The following EEA1 variants were observed in gnomAD, a reference collection of about 807,000 sequenced individuals.
The protein encoded by EEA1 is early endosome antigen 1, 162kD.
A neutral mutation model predicts 209.2 loss-of-function variants in EEA1; 111 were observed. The observed-to-expected ratio is 0.53, with a 90% CI of 0.45 to 0.62. The LOEUF (loss-of-function observed/expected upper bound fraction) is 0.62. EEA1 is among the 20% of genes least tolerant of loss of function. The probability of loss-of-function intolerance (pLI) is 0.00; values close to 1 mark genes in which losing one functional copy is unlikely to be tolerated. For synonymous variants in EEA1, 536 were observed against 540.6 expected (o/e 0.99, Z 0.12); for missense variants, 1,343 against 1,530.8 (o/e 0.88, Z 2.05).
intron 25 of EEA1, among the ~76,000 whole-genome samples, chr12:92,778,709 A>G (rs1306796287): frequency 1.3e-5 from 2 of 152,060 alleles, no homozygotes; most frequent in East Asian, 3.8e-4. Flanking sequence ...GCAACTTAGG[A>G]AAGGAAAAGC....
At chr12:92,896,099 G>A (rs2264292) in intron 1 of EEA1, among the ~76,000 whole-genome samples, 92,708 of 151,016 alleles carry the variant, frequency 0.61, 29,164 homozygotes, top group East Asian at 0.94. Context: ...TCAGCCTCCC[G>A]AGTAGCTGGG....
At chr12:92,903,966 A>ATT (rs1287652690) in intron 1 of EEA1, among the ~76,000 whole-genome samples, 1 of 144,164 alleles carries the variant, frequency 6.9e-6, no homozygotes, top group Non-Finnish European at 1.5e-5. Flanking sequence ...AAGTTTTCTG[A>ATT]TTTTTTTTTT....
At chr12:92,829,809 C>G (rs1175447519) in intron 11 of EEA1, among the ~76,000 whole-genome samples, 1 of 137,482 alleles carries the variant, frequency 7.3e-6, no homozygotes, top group Non-Finnish European at 1.6e-5. Context: ...AAAAACAAGC[C>G]AAATGCCAGG....
At chr12:92,801,762 G>T in intron 19 of EEA1, 61 bp from the exon 20 acceptor site, 1 of 1,176,390 alleles carries the variant, frequency 8.5e-7, no homozygotes, top group Non-Finnish European at 1.2e-6. Flanking sequence ...AAGAAGTTTA[G>T]TTTATAACCT....
chr12:92,787,791 T>G (rs963834712), intron 22 of EEA1, 76 bp downstream of exon 22: 2 of 1,177,160 alleles, frequency 1.7e-6, no homozygotes, highest in African/African-American at 1.6e-5. Flanking sequence ...CCTTGCCCAT[T>G]TGGATTCAAA....
At chr12:92,845,646 T>G (rs1022220886) in intron 9 of EEA1, among the ~76,000 whole-genome samples, 15 of 152,284 alleles carry the variant, frequency 9.9e-5, no homozygotes, top group Admixed American at 2.6e-4. Context: ...TCTAAAGTAT[T>G]CCCACTTCCA....
chr12:92,876,150 G>A (rs533892612), intron 2 of EEA1, among the ~76,000 whole-genome samples: 1 of 152,138 alleles, frequency 6.6e-6, no homozygotes, highest in South Asian at 2.1e-4. Flanking sequence ...TGATTAACTT[G>A]CGGCCTCGAA....
intron 1 of EEA1, among the ~76,000 whole-genome samples, chr12:92,924,651 T>C (rs1881138675): frequency 6.6e-6 from 1 of 152,050 alleles, no homozygotes. Context: ...ACCCAGGTAG[T>C]CTGGCATCAG....
At position 92,827,666 on chromosome 12, in the gene EEA1, C is replaced by T. The variant is rs185016791; in HGVS notation, c.1404+246G>A. Among the ~76,000 whole-genome samples, 5 of 152,208 alleles carry T rather than the reference C, an allele frequency of 3.3e-5. No homozygotes were observed. In the East Asian group the frequency reaches 7.7e-4, roughly 24 times the overall value. ...GACTCTAGCAGCCTGATGGGTTCACCCCCAGAATTTTTCCTGCCTAAACCT... is the reference window on the plus strand; with the variant it reads ...GACTCTAGCAGCCTGATGGGTTCACTCCCAGAATTTTTCCTGCCTAAACCT... On this transcript the variant is annotated intron_variant, in intron 12 of 28. Coordinates refer to ENST00000322349, the MANE Select transcript of EEA1 (RefSeq NM_003566.4).
At chr12:92,902,653 A>G (rs892667747) in intron 1 of EEA1, among the ~76,000 whole-genome samples, 1 of 151,354 alleles carries the variant, frequency 6.6e-6, no homozygotes, top group Non-Finnish European at 1.5e-5. Flanking sequence ...AGGCAGTAGA[A>G]TCATTTGAAC....
chr12:92,917,204 G>A (rs1480400637), intron 1 of EEA1, among the ~76,000 whole-genome samples: 3 of 134,924 alleles, frequency 2.2e-5, no homozygotes, highest in African/African-American at 8.9e-5. Flanking sequence ...CCCCAATCTA[G>A]CAAGGCAGGC....
chr12:92,837,373 T>C (rs1876978166), intron 10 of EEA1, among the ~76,000 whole-genome samples: 1 of 152,122 alleles, frequency 6.6e-6, no homozygotes, highest in Admixed American at 6.6e-5. Flanking sequence ...CTTATCAATA[T>C]ACCACTTTGC....
rs115944136 is a variant in EEA1, at chr12:92,885,545, G to A, written c.117+6084C>T. 3.7e-3 allele frequency among the ~76,000 whole-genome samples: 568 copies of A among 152,262 alleles called. 5 individuals carry two copies. The highest frequency in any genetic ancestry group is 0.017 in the Middle Eastern group (5 of 294). On this transcript the variant is annotated intron_variant, in intron 2 of 28. Coordinates refer to ENST00000322349, the MANE Select transcript of EEA1 (RefSeq NM_003566.4). ...CCACTAATAGCCCTCAATTAGATTA[G>A]CAGTCAGAATGTATGCTATTGTATA...
At chr12:92,798,348 A>AT (rs566780091) in intron 21 of EEA1, among the ~76,000 whole-genome samples, 143 of 149,908 alleles carry the variant, frequency 9.5e-4, no homozygotes, top group African/African-American at 1.6e-3. Flanking sequence ...TATTATTATT[A>AT]TTATTTTTTT....
intron 1 of EEA1, among the ~76,000 whole-genome samples, chr12:92,894,035 T>A (rs1565853863): frequency 2.0e-5 from 3 of 152,238 alleles, no homozygotes; most frequent in African/African-American, 7.2e-5. Context: ...TCACTTTGTA[T>A]CTCTGTGTCA....
At chr12:92,792,718 ACCATTC>A (rs890702937) in intron 21 of EEA1, among the ~76,000 whole-genome samples, 26 of 152,346 alleles carry the variant, frequency 1.7e-4, no homozygotes, top group South Asian at 1.2e-3. Flanking sequence ...AGGAGCTGGT[ACCATTC>A]CTTTTGAAAC....
rs1373684794 is a variant in EEA1, at chr12:92,853,040, C to T, written c.407-15G>A. 3.3e-6 allele frequency: 5 copies of T among 1,507,624 alleles called. No homozygotes were observed. Among genetic ancestry groups the T allele is most frequent in the Admixed American group, 1.8e-5 (1 of 55,776 alleles). The allele number at this position is 1,507,624 out of a possible 1,614,324, so 93.4% of individuals were successfully genotyped here. On this transcript the variant is annotated splice_polypyrimidine_tract_variant and intron_variant, in intron 6 of 28. Transcript: ENST00000322349. ...AGACTGTAGTTCTACAAAAAAGTGT[C>T]GCAGTTATTCAAATACCATGTTAAT...
At chr12:92,864,564 G>A (rs936390593) in intron 3 of EEA1, among the ~76,000 whole-genome samples, 11 of 151,878 alleles carry the variant, frequency 7.2e-5, no homozygotes, top group Non-Finnish European at 1.6e-4. Flanking sequence ...TAAGCAAATC[G>A]TATCATCTTA....
At chr12:92,820,096 C>T (rs1875975639) in intron 13 of EEA1, among the ~76,000 whole-genome samples, 2 of 152,098 alleles carry the variant, frequency 1.3e-5, no homozygotes, top group South Asian at 4.2e-4. Context: ...TCACTCCAAC[C>T]ACCCCCCATT....
Sources: gnomAD v4.1 joint callset for allele counts (sites outside exome capture counted in the v4.1 genomes callset) on GRCh38, gnomAD v4.1.1 for gene constraint, MANE v1.5 for transcripts, NCBI Gene and HGNC (gene_info 2026-07-23, HGNC 2026-07-21) for gene names.